The following FILIP1L variants were observed in gnomAD, a reference collection of about 807,000 sequenced individuals.
The protein encoded by FILIP1L is filamin A-interacting protein 1-like.
A neutral mutation model predicts 96.6 loss-of-function variants in FILIP1L; 55 were observed. The observed-to-expected ratio is 0.57, with a 90% confidence interval of 0.46 to 0.71. The LOEUF is 0.71. FILIP1L is among the 30% of genes least tolerant of loss of function. The pLI is 0.00. For missense variants in FILIP1L, 1,304 were observed against 1,321.2 expected (o/e 0.99, Z 0.20); for synonymous variants, 467 against 473.9 (o/e 0.99, Z 0.19).
chr3:99,993,845 T>C (rs1309707595), intron 1 of FILIP1L, among the ~76,000 whole-genome samples: 1 of 152,178 alleles, frequency 6.6e-6, no homozygotes, highest in Non-Finnish European at 1.5e-5. Context: ...TGATATATTA[T>C]CTTTCTGATG....
At chr3:99,836,988 G>A (rs1483707540) in intron 5 of FILIP1L, among the ~76,000 whole-genome samples, 2 of 152,186 alleles carry the variant, frequency 1.3e-5, no homozygotes, top group Non-Finnish European at 2.9e-5. Flanking sequence ...CCTGGAATAG[G>A]ACCATATTTG....
At chr3:99,920,899 A>G (rs1019166620) in intron 4 of FILIP1L, among the ~76,000 whole-genome samples, 1 of 152,210 alleles carries the variant, frequency 6.6e-6, no homozygotes, top group African/African-American at 2.4e-5. Context: ...TTTTATTTCC[A>G]GGTAGATACA....
At chr3:100,057,796 C>T (rs945965663) in intron 1 of FILIP1L, among the ~76,000 whole-genome samples, 9 of 152,204 alleles carry the variant, frequency 5.9e-5, no homozygotes, top group Admixed American at 6.5e-5. Flanking sequence ...GGAAAAATCA[C>T]TCAAACCCTA....
At chr3:99,871,821 T>C (rs1944802469) in intron 4 of FILIP1L, among the ~76,000 whole-genome samples, 1 of 152,190 alleles carries the variant, frequency 6.6e-6, no homozygotes, top group Non-Finnish European at 1.5e-5. Context: ...AGAGTGGGAT[T>C]TGCCAGCCGG....
intron 4 of FILIP1L, among the ~76,000 whole-genome samples, chr3:99,866,970 C>T (rs572106656): frequency 5.3e-5 from 8 of 152,214 alleles, no homozygotes; most frequent in Middle Eastern, 6.8e-3. Flanking sequence ...ACTGTAAGTC[C>T]AGAGCATTTG....
intron 1 of FILIP1L, among the ~76,000 whole-genome samples, chr3:100,106,759 G>A (rs1338884898): frequency 2.0e-5 from 3 of 152,132 alleles, no homozygotes; most frequent in East Asian, 1.9e-4. Context: ...CACTCAAATT[G>A]TGTCTAACTG....
At chr3:99,902,418 T>G (rs1000210252) in intron 4 of FILIP1L, among the ~76,000 whole-genome samples, 7 of 152,196 alleles carry the variant, frequency 4.6e-5, no homozygotes, top group African/African-American at 9.7e-5. Flanking sequence ...CAGATGCATT[T>G]CCATGGGAGG....
At chr3:99,949,103 G>A (rs1199246912) in intron 1 of FILIP1L, among the ~76,000 whole-genome samples, 1 of 152,096 alleles carries the variant, frequency 6.6e-6, no homozygotes, top group Non-Finnish European at 1.5e-5. Context: ...AAATTGGGAG[G>A]AATATTTCAT....
At position 99,929,852 on chromosome 3, in the gene FILIP1L, A is replaced by G. The variant is rs772383414; in HGVS notation, c.426+4T>C. ...CAGGTACACACCCCTATTGTGGTAC[A>G]TACCTCATTCATTGGTTTCTCATAG... On this transcript the variant is annotated splice_donor_region_variant and intron_variant, in intron 3 of 5. Coordinates refer to ENST00000477258, the MANE Select transcript of FILIP1L (RefSeq NM_001387850.1). 4.3e-6 allele frequency: 7 copies of G among 1,609,516 alleles called. No homozygotes were observed. The highest frequency in any genetic ancestry group is 2.2e-5 in the South Asian group (2 of 90,306).
At position 99,829,225 on chromosome 3, in the gene FILIP1L, T is replaced by C; in HGVS notation, c.*1189A>G. Among the ~76,000 whole-genome samples, 1 of 102,654 alleles carries C rather than the reference T, an allele frequency of 9.7e-6. No individual in the cohort carries two copies. Among genetic ancestry groups the C allele is most frequent in the South Asian group, 3.1e-4 (1 of 3,278 alleles). The allele number at this position is 102,654 out of a possible 152,430, so 67.3% of individuals were successfully genotyped here. On this transcript the variant is annotated 3_prime_UTR_variant, in exon 6 of 6. Transcript: ENST00000477258. ...ACAAAAAATGTTTAGTGTCGTTCCATTGATTTTTTTCCCCCCTCGATTGAA... is the reference window on the plus strand; with the variant it reads ...ACAAAAAATGTTTAGTGTCGTTCCACTGATTTTTTTCCCCCCTCGATTGAA...
chr3:99,942,725 A>G (rs1158359854), intron 1 of FILIP1L, among the ~76,000 whole-genome samples: 2 of 151,990 alleles, frequency 1.3e-5, no homozygotes, highest in Non-Finnish European at 2.9e-5. Context: ...GCTACTCTGG[A>G]GGCTGAGGCA....
chr3:100,007,605 G>A (rs1490973005), intron 1 of FILIP1L, among the ~76,000 whole-genome samples: 1 of 152,188 alleles, frequency 6.6e-6, no homozygotes, highest in Non-Finnish European at 1.5e-5. Context: ...GAGAGGCCCA[G>A]AATTGGCCCA....
intron 1 of FILIP1L, among the ~76,000 whole-genome samples, chr3:100,105,380 C>CA (rs2107465408): frequency 6.6e-6 from 1 of 152,274 alleles, no homozygotes; most frequent in East Asian, 1.9e-4. Context: ...TCTCACAACT[C>CA]AGTTTGGCTC....
intron 1 of FILIP1L, among the ~76,000 whole-genome samples, chr3:99,960,115 T>A (rs1559704302): frequency 6.6e-6 from 1 of 152,218 alleles, no homozygotes; most frequent in African/African-American, 2.4e-5. Flanking sequence ...GGGTTAAGTT[T>A]AACATTGAAA....
intron 1 of FILIP1L, among the ~76,000 whole-genome samples, chr3:100,082,144 C>CAAATTGCAA (rs2065942438): frequency 6.6e-6 from 1 of 152,012 alleles, no homozygotes; most frequent in African/African-American, 2.4e-5. Flanking sequence ...AAAATACAAA[C>CAAATTGCAA]AACTCTTTAT....
chr3:100,091,001 T>C (rs2066094793), intron 1 of FILIP1L, among the ~76,000 whole-genome samples: 1 of 152,162 alleles, frequency 6.6e-6, no homozygotes, highest in Non-Finnish European at 1.5e-5. Flanking sequence ...AACCCTACCT[T>C]AGGCCCGGGC....
chr3:99,987,078 A>G (rs1389235546), intron 1 of FILIP1L, among the ~76,000 whole-genome samples: 2 of 151,914 alleles, frequency 1.3e-5, no homozygotes, highest in African/African-American at 4.8e-5. Context: ...AAAAATACAA[A>G]AATTAGCCAA....
rs576596012 is a variant in FILIP1L at position 99,849,203 on chromosome 3, C to T, written c.2473G>A (p.Gly825Ser). The change falls in exon 5 of 6, where the codon GGT (glycine) becomes AGT (serine). Residue 825 changes from glycine (G) to serine (S), a missense_variant. Coordinates refer to ENST00000477258, the MANE Select transcript of FILIP1L (RefSeq NM_001387850.1). ...TTCTCACTCTCCTCATATAACTGAC[C>T]ATTGATGACTGCACGTTCCAGAGGA... is the stretch of plus-strand genomic sequence containing the variant. ...LIPLERAVIN[G>S]QLYEESENQD... 1.2e-6 allele frequency: 2 copies of T among 1,614,126 alleles called. No individual in the cohort carries two copies. Among genetic ancestry groups the T allele is most frequent in the African/African-American group, 1.3e-5 (1 of 75,056 alleles).
chr3:99,859,661 A>G (rs1182467045), intron 4 of FILIP1L, among the ~76,000 whole-genome samples: 1 of 152,194 alleles, frequency 6.6e-6, no homozygotes, highest in Non-Finnish European at 1.5e-5. Context: ...ACATAATTTT[A>G]ACTGTGTTGC....
Sources: gnomAD v4.1 joint callset for allele counts (sites outside exome capture counted in the v4.1 genomes callset) on GRCh38, gnomAD v4.1.1 for gene constraint, MANE v1.5 for transcripts, NCBI Gene and HGNC (gene_info 2026-07-23, HGNC 2026-07-21) for gene names.